CD5L: variants seen among roughly 807,000 people sequenced by gnomAD.
The protein encoded by CD5L is CD5 molecule like.
CD5L carries 39 observed loss-of-function variants against 40.8 expected under a neutral mutation model. That is an observed-to-expected ratio of 0.96 (90% CI 0.74 to 1.25). The LOEUF (loss-of-function observed/expected upper bound fraction) is 1.25. CD5L is among the 50% of genes most tolerant of loss of function. CD5L has a pLI of 0.00. For synonymous variants in CD5L, 192 were observed against 169.6 expected, an observed-to-expected ratio of 1.13 and a Z score of -1.03; for missense variants, 433 against 435.9, an observed-to-expected ratio of 0.99 and a Z score of 0.06.
chr1:157,834,596 G>C lies in CD5L; in HGVS notation c.529C>G (p.Arg177Gly). 6.2e-7 allele frequency: 1 copy of C among 1,614,118 alleles called. No individual in the cohort carries two copies. The highest frequency in any genetic ancestry group is 8.5e-7 in the Non-Finnish European group (1 of 1,180,034). Residue 177 changes from arginine (R) to glycine (G), a missense_variant, in exon 4 of 6, where the codon CGG becomes GGG. Transcript: ENST00000368174. ...ACAGCCCTCCCACATCCCAGCTGCC[G>C]GCACACCACCTTTGCGGCCCGGAGG... ...WSLRAAKVVC[R>G]QLGCGRAVLT... is the part of the protein sequence containing the mutation.
intron 1 of CD5L, among the ~76,000 whole-genome samples, chr1:157,841,356 T>C (rs1485667026): frequency 6.6e-6 from 1 of 152,252 alleles, no homozygotes; most frequent in African/African-American, 2.4e-5. Flanking sequence ...TACTTGCTGC[T>C]GCCCGGTGCC....
downstream of CD5L, among the ~76,000 whole-genome samples, chr1:157,829,661 G>A (rs1441011571): frequency 1.3e-5 from 2 of 151,992 alleles, no homozygotes; most frequent in East Asian, 1.9e-4. Context: ...TAATAACTGG[G>A]TTTAGCTACT....
rs780522926 is a variant in CD5L, at chr1:157,833,278, T to C, written c.953A>G (p.Glu318Gly). The change falls in exon 5 of 6, where the codon GAG (glutamate) becomes GGG (glycine). Residue 318 changes from glutamate to glycine, a missense_variant. Glu to Gly is a moderately conservative substitution (Grantham distance 98). Coordinates refer to ENST00000368174, the MANE Select transcript of CD5L (RefSeq NM_005894.3). ...CTGGCACTGCTCCAGGGACTGCTCC[T>C]CCCCTGAGCAACGAACATTATCCAG... ...IWLDNVRCSG[E>G]EQSLEQCQHR... The C allele has an allele frequency of 4.9e-5, 79 of 1,613,954 alleles. No homozygotes were observed. Among genetic ancestry groups the C allele is most frequent in the Non-Finnish European group, 6.5e-5 (77 of 1,180,014 alleles).
downstream of CD5L, among the ~76,000 whole-genome samples, chr1:157,829,800 A>G (rs535446139): frequency 1.3e-5 from 2 of 152,194 alleles, no homozygotes; most frequent in Non-Finnish European, 2.9e-5. Context: ...ATTATTATGT[A>G]CCATACAGCA....
intron 2 of CD5L, among the ~76,000 whole-genome samples, chr1:157,837,841 T>C (rs965286334): frequency 6.0e-5 from 9 of 151,044 alleles, no homozygotes; most frequent in Non-Finnish European, 1.0e-4. Context: ...AGTGGCACGA[T>C]TTCGGCTCAC....
At chr1:157,839,284 G>A in intron 2 of CD5L, 100 bp downstream of exon 2, 10 of 1,126,004 alleles carry the variant, frequency 8.9e-6, no homozygotes, top group Non-Finnish European at 1.4e-5. Context: ...AGTCTGCTGG[G>A]CCTGTTTTGA....
rs1275933962 is a variant in CD5L at position 157,834,550 on chromosome 1, T to C, written c.575A>G (p.Asn192Ser). The C allele has an allele frequency of 2.5e-6, 4 of 1,614,118 alleles. No homozygotes were observed. The highest frequency in any genetic ancestry group is 3.4e-6 in the Non-Finnish European group (4 of 1,180,052). The change falls in exon 4 of 6, where the codon AAC becomes AGC. Residue 192 changes from asparagine to serine, a missense_variant. Physicochemically the swap from Asn to Ser is conservative, Grantham distance 46. Transcript: ENST00000368174. ...GRAVLTQKRC[N>S]KHAYGRKPIW... ...GGGTTTTCGGCCATAGGCATGCTTG[T>C]TGCAGCGTTTTTGAGTCAGTACAGC...
intron 5 of CD5L, among the ~76,000 whole-genome samples, chr1:157,832,671 C>T (rs939154095): frequency 6.6e-6 from 1 of 152,156 alleles, no homozygotes; most frequent in African/African-American, 2.4e-5. Flanking sequence ...CTCTCCCAGA[C>T]TAGTTTAAAA....
At position 157,831,095 on chromosome 1, in the gene CD5L, G is replaced by T. The variant is rs181911760; in HGVS notation, c.*869C>A. 3.0e-6 allele frequency: 3 copies of T among 985,284 alleles called. No homozygotes were observed. Among genetic ancestry groups the T allele is most frequent in the East Asian group, 1.1e-4 (1 of 8,814 alleles). The allele number at this position is 985,284 out of a possible 1,614,324, so 61.0% of individuals were successfully genotyped here. ...AAGTCTCAGTTGATAAAGTGAAAAT[G>T]ATATTTTTCACTTTCGCTTGGCATA... On this transcript the variant is annotated 3_prime_UTR_variant, in exon 6 of 6. Coordinates refer to ENST00000368174, the MANE Select transcript of CD5L (RefSeq NM_005894.3).
chr1:157,834,428 C>T lies in CD5L; in HGVS notation c.697G>A (p.Asp233Asn), dbSNP rs775962702. The change falls in exon 4 of 6, where the codon GAC becomes AAC. Residue 233 changes from aspartate to asparagine, a missense_variant. Coordinates refer to ENST00000368174, the MANE Select transcript of CD5L (RefSeq NM_005894.3). ...TTACCTTCACATTCGACCCACGTGT[C>T]TTCATCATGGTTGCAGGTGTTCTTC... ...WGKNTCNHDEDTWVECEDPFD... is the reference protein window; with the variant it reads ...WGKNTCNHDENTWVECEDPFD... 6.2e-7 allele frequency: 1 copy of T among 1,613,784 alleles called. No individual in the cohort carries two copies. The highest frequency in any genetic ancestry group is 8.5e-7 in the Non-Finnish European group (1 of 1,179,720).
At chr1:157,827,834 A>G (rs529422641), downstream of CD5L, among the ~76,000 whole-genome samples, 2 of 152,226 alleles carry the variant, frequency 1.3e-5, no homozygotes, top group Non-Finnish European at 2.9e-5. Flanking sequence ...GCTCAACCAG[A>G]GGAATCTGGA....
chr1:157,838,264 A>G (rs1656274327), intron 2 of CD5L, among the ~76,000 whole-genome samples: 1 of 152,214 alleles, frequency 6.6e-6, no homozygotes, highest in Admixed American at 6.5e-5. Flanking sequence ...AAAAGTTTTC[A>G]TTTTCACACA....
In CD5L at chr1:157,836,012, A is replaced by G. The variant is rs1656201980; in HGVS notation, c.199T>C (p.Cys67Arg). 2 of 1,614,092 alleles carry G rather than the reference A, an allele frequency of 1.2e-6. No individual in the cohort carries two copies. Among genetic ancestry groups the G allele is most frequent in the Non-Finnish European group, 1.7e-6 (2 of 1,180,052 alleles). ...CTAGGGGTTCCGCTGGCAGCTCCACAGCCCAGCTCCCGGCACAACACAGCC... is the reference window on the plus strand; with the variant it reads ...CTAGGGGTTCCGCTGGCAGCTCCACGGCCCAGCTCCCGGCACAACACAGCC... ...DVAVLCRELG[C>R]GAASGTPSGI... The change falls in exon 3 of 6, where the codon TGT becomes CGT. Residue 67 changes from cysteine (C) to arginine (R), a missense_variant. Coordinates refer to ENST00000368174, the MANE Select transcript of CD5L (RefSeq NM_005894.3).
rs751815193 is a variant in CD5L at position 157,831,968 on chromosome 1, C to G, written c.1040G>C (p.Gly347Ala). 2 of 1,587,444 alleles carry G rather than the reference C, an allele frequency of 1.3e-6. No homozygotes were observed. The highest frequency in any genetic ancestry group is 1.7e-6 in the Non-Finnish European group (2 of 1,168,576). Residue 347 changes from glycine to alanine, a missense_variant and splice_region_variant, in exon 6 of 6, where the codon GGA (glycine) becomes GCA (alanine). By Grantham distance (60) the Gly-to-Ala change is moderately conservative. Coordinates refer to ENST00000368174, the MANE Select transcript of CD5L (RefSeq NM_005894.3). ...HQEDVAVICS[G>A] is the part of the protein sequence containing the mutation. ...AGGTCAAGCAACACCAGGATACTAT[C>G]CTATAAAGAGAAGAGGAAAATGCAG...
chr1:157,833,769 C>CTT (rs760277537), intron 4 of CD5L, among the ~76,000 whole-genome samples: 1,158 of 114,470 alleles, frequency 0.01, 21 homozygotes, highest in African/African-American at 0.038. Context: ...CAAAGCTCAG[C>CTT]TTTTTTTTTT....
chr1:157,836,214 A>G (rs1035795930), intron 2 of CD5L, 59 bp from the exon 3 acceptor site: 28 of 1,423,824 alleles, frequency 2.0e-5, no homozygotes, highest in Non-Finnish European at 2.5e-5. Context: ...GTCCTTAGGC[A>G]TGTACTCAGT....
At chr1:157,828,176 G>A (rs1318318103), downstream of CD5L, among the ~76,000 whole-genome samples, 1 of 152,108 alleles carries the variant, frequency 6.6e-6, no homozygotes, top group Admixed American at 6.6e-5. Context: ...TCATATCCTT[G>A]CAATGCCCTA....
chr1:157,839,897 C>T (rs534919059), intron 1 of CD5L, among the ~76,000 whole-genome samples: 2 of 152,272 alleles, frequency 1.3e-5, no homozygotes, highest in South Asian at 4.1e-4. Flanking sequence ...CAAACTCTTA[C>T]TGTAAGAGGC....
intron 1 of CD5L, among the ~76,000 whole-genome samples, chr1:157,840,074 G>A (rs1224892635): frequency 1.3e-5 from 2 of 152,172 alleles, no homozygotes; most frequent in Non-Finnish European, 2.9e-5. Context: ...TCATTTTCAT[G>A]TGTCATAAAA....
Sources: gnomAD v4.1 joint callset for allele counts (sites outside exome capture counted in the v4.1 genomes callset) on GRCh38, gnomAD v4.1.1 for gene constraint, MANE v1.5 for transcripts, NCBI Gene and HGNC (gene_info 2026-07-23, HGNC 2026-07-21) for gene names.